The following MFHAS1 variants were observed in gnomAD, a reference collection of about 807,000 sequenced individuals.
MFHAS1 encodes malignant fibrous histiocytoma-amplified sequence 1.
Under a neutral mutation model 70.4 loss-of-function variants are expected in MFHAS1, and 50 were observed. The observed-to-expected ratio is 0.71, with a 90% CI of 0.57 to 0.90. The LOEUF is 0.90. Among genes scored for constraint, MFHAS1 ranks in the 40% least tolerant of loss-of-function variants. The pLI, the probability that MFHAS1 is intolerant of heterozygous loss-of-function variation, is 0.00. For missense variants in MFHAS1, 1,795 were observed against 1,347.6 expected, an observed-to-expected ratio of 1.33 and a Z score of -5.20; for synonymous variants, 952 against 620.0, an observed-to-expected ratio of 1.54 and a Z score of -7.96.
intron 1 of MFHAS1, among the ~76,000 whole-genome samples, chr8:8,881,027 G>A (rs1352841991): frequency 3.9e-5 from 6 of 152,032 alleles, no homozygotes; most frequent in Admixed American, 3.9e-4. Context: ...AACTCACAAT[G>A]TCCCTGCAAG....
intron 1 of MFHAS1, among the ~76,000 whole-genome samples, chr8:8,836,087 T>C (rs143173077): frequency 2.0e-5 from 3 of 152,212 alleles, no homozygotes; most frequent in African/African-American, 7.2e-5. Context: ...TAAAACAACA[T>C]GCTGAACCAT....
At chr8:8,843,682 G>A (rs1001430179) in intron 1 of MFHAS1, among the ~76,000 whole-genome samples, 1 of 152,128 alleles carries the variant, frequency 6.6e-6, no homozygotes, top group African/African-American at 2.4e-5. Flanking sequence ...GAGCAGGTCC[G>A]GTGTGGAAGA....
At chr8:8,889,949 T>C (rs999881389) in intron 1 of MFHAS1, 112 bp downstream of exon 1, 1 of 893,904 alleles carries the variant, frequency 1.1e-6, no homozygotes, top group Non-Finnish European at 1.7e-6. Flanking sequence ...TTACGAAGCT[T>C]TCCTGGAGAA....
rs770497392 is a variant in MFHAS1, at chr8:8,784,622, G to A, written c.*1400C>T. ...GACTTTGTATACTGTAGCCTTCCAA[G>A]AGTCAATACTTTACAAAAGAAGTAA... On this transcript the variant is annotated 3_prime_UTR_variant, in exon 3 of 3. Coordinates refer to ENST00000276282, the MANE Select transcript of MFHAS1 (RefSeq NM_004225.3). 6 of 152,140 alleles carry A rather than the reference G, an allele frequency of 3.9e-5. No homozygotes were observed. Among genetic ancestry groups the A allele is most frequent in the Non-Finnish European group, 8.8e-5 (6 of 68,030 alleles). 9.4% of individuals were successfully genotyped at this position (152,140 alleles called of 1,614,324 possible). A position where few individuals can be genotyped will look rare whatever the true frequency, so the allele number is the denominator to read the frequency against.
chr8:8,851,387 ACAGT>A (rs150391092), intron 1 of MFHAS1, among the ~76,000 whole-genome samples: 86 of 152,300 alleles, frequency 5.6e-4, no homozygotes, highest in South Asian at 2.5e-3. Flanking sequence ...CATAAAACAA[ACAGT>A]CAGCACACAA....
intron 1 of MFHAS1, among the ~76,000 whole-genome samples, chr8:8,816,762 T>C (rs1194046722): frequency 2.0e-5 from 3 of 152,188 alleles, no homozygotes; most frequent in Admixed American, 6.5e-5. Flanking sequence ...TAGTTAAACA[T>C]AGTTGATGGT....
Position 8,783,799 on chromosome 8 carries a change from G to C in MFHAS1, c.*2223C>G, listed in dbSNP as rs1366269353. The C allele has an allele frequency of 6.6e-6, 1 of 152,128 alleles. No homozygotes were observed. Among genetic ancestry groups the C allele is most frequent in the African/African-American group, 2.4e-5 (1 of 41,406 alleles). 9.4% of individuals were successfully genotyped at this position (152,128 alleles called of 1,614,324 possible). On this transcript the variant is annotated 3_prime_UTR_variant, in exon 3 of 3. Coordinates refer to ENST00000276282, the MANE Select transcript of MFHAS1 (RefSeq NM_004225.3). ...GCTGAAAGAGAAAACGGAATTTCTT[G>C]CATAGACAGCTGAAGAGTCCTGTAG...
chr8:8,793,452 C>T (rs1805786817), intron 2 of MFHAS1, among the ~76,000 whole-genome samples: 1 of 152,142 alleles, frequency 6.6e-6, no homozygotes, highest in African/African-American at 2.4e-5. Flanking sequence ...TTTTAAAAAC[C>T]ATCATGAGAT....
intron 1 of MFHAS1, among the ~76,000 whole-genome samples, chr8:8,863,715 G>C (rs1250486083): frequency 6.6e-6 from 1 of 152,064 alleles, no homozygotes; most frequent in Admixed American, 6.6e-5. Context: ...TTTTCACTAA[G>C]AGTCTGGCCC....
intron 1 of MFHAS1, among the ~76,000 whole-genome samples, chr8:8,857,003 AAAAAAG>A (rs1808469277): frequency 6.6e-6 from 1 of 150,742 alleles, no homozygotes; most frequent in African/African-American, 2.4e-5. Flanking sequence ...AAAAAAAAAA[AAAAAAG>A]AGGAGAGATA....
chr8:8,830,613 T>A (rs1025527879), intron 1 of MFHAS1, among the ~76,000 whole-genome samples: 3 of 152,152 alleles, frequency 2.0e-5, no homozygotes, highest in African/African-American at 4.8e-5. Context: ...TCCTATATAT[T>A]TCTTTTTGAG....
chr8:8,800,240 G>A (rs1420423882), intron 1 of MFHAS1, among the ~76,000 whole-genome samples: 1 of 152,158 alleles, frequency 6.6e-6, no homozygotes, highest in South Asian at 2.1e-4. Context: ...CCAAACTCCT[G>A]TAAACAGCAA....
intron 1 of MFHAS1, among the ~76,000 whole-genome samples, chr8:8,833,361 G>C (rs1807479424): frequency 6.6e-6 from 1 of 152,216 alleles, no homozygotes; most frequent in Admixed American, 6.5e-5. Context: ...TGAGTGCAGT[G>C]ATTCATGCCA....
At chr8:8,811,054 C>G (rs891231600) in intron 1 of MFHAS1, among the ~76,000 whole-genome samples, 7 of 152,048 alleles carry the variant, frequency 4.6e-5, no homozygotes, top group Non-Finnish European at 4.4e-5. Context: ...AATAATATCT[C>G]GCGCAGGCAG....
intron 1 of MFHAS1, among the ~76,000 whole-genome samples, chr8:8,853,642 C>T (rs1808326982): frequency 1.3e-5 from 2 of 152,166 alleles, no homozygotes; most frequent in African/African-American, 2.4e-5. Flanking sequence ...TCTCAGCTCA[C>T]TGCAAACTCC....
At chr8:8,856,366 G>C (rs1019960888) in intron 1 of MFHAS1, among the ~76,000 whole-genome samples, 1 of 152,200 alleles carries the variant, frequency 6.6e-6, no homozygotes, top group African/African-American at 2.4e-5. Flanking sequence ...CACTTGCCCA[G>C]AAGATACTTC....
chr8:8,860,248 C>T (rs185365124), intron 1 of MFHAS1, among the ~76,000 whole-genome samples: 53 of 152,326 alleles, frequency 3.5e-4, no homozygotes, highest in African/African-American at 1.1e-3. Context: ...CTTGGGTACA[C>T]TCTCTTTGGT....
intron 1 of MFHAS1, among the ~76,000 whole-genome samples, chr8:8,825,828 TG>T (rs1563191502): frequency 6.6e-6 from 1 of 152,230 alleles, no homozygotes; most frequent in African/African-American, 2.4e-5. Context: ...TTTAAAATCC[TG>T]GATGTCTTTT....
chr8:8,857,212 C>G (rs1406377646), intron 1 of MFHAS1, among the ~76,000 whole-genome samples: 1 of 152,142 alleles, frequency 6.6e-6, no homozygotes, highest in African/African-American at 2.4e-5. Flanking sequence ...GTTCATGAGA[C>G]ATCAATAAAT....
Sources: allele counts gnomAD v4.1 joint callset (sites outside exome capture counted in the v4.1 genomes callset), GRCh38; gene constraint gnomAD v4.1.1; transcripts MANE v1.5; gene names NCBI Gene and HGNC (gene_info 2026-07-23, HGNC 2026-07-21).